Variants in PRMT7 observed in about 807,000 individuals in gnomAD.
The protein encoded by PRMT7 is protein arginine methyltransferase 7, also known as protein arginine N-methyltransferase 7.
Under a neutral mutation model 85.4 loss-of-function variants are expected in PRMT7, and 75 were observed. The ratio of observed to expected loss-of-function variants is 0.88; its 90% CI spans 0.73 to 1.06. The LOEUF is 1.06. Among genes scored for constraint, PRMT7 ranks in the 50% least tolerant of loss-of-function variants. PRMT7 has a pLI of 0.00. For missense variants in PRMT7, 868 were observed against 915.2 expected (o/e 0.95, Z 0.67); for synonymous variants, 397 against 359.5 (o/e 1.10, Z -1.18).
At chr16:68,352,160 T>C in intron 14 of PRMT7, 88 bp from the exon 15 acceptor site, 1 of 1,395,500 alleles carries the variant, frequency 7.2e-7, no homozygotes, top group South Asian at 1.3e-5. Flanking sequence ...CTTGAGTGAC[T>C]GAGTGGCCTG....
Position 68,312,230 on chromosome 16 carries a change from T to TATATA in PRMT7, c.-84+54_-84+55insATATA, listed in dbSNP as rs1555537325. The stretch of plus-strand genomic sequence containing the variant: ...TTATATATATATATATATATATATA[T>TATATA]TTTTTTTTTTAAGACAGGGTCTCAC... On this transcript the variant is annotated intron_variant, in intron 2 of 18. Coordinates refer to ENST00000441236, the MANE Select transcript of PRMT7 (RefSeq NM_019023.5). 122 of 65,528 alleles carry TATATA rather than the reference T, an allele frequency of 1.9e-3. 1 individual carries two copies. Among genetic ancestry groups the TATATA allele is most frequent in the East Asian group, 3.4e-3 (5 of 1,462 alleles). The allele number at this position is 65,528 out of a possible 1,614,324, so 4.1% of individuals were successfully genotyped here.
At position 68,312,805 on chromosome 16, in the gene PRMT7, T is replaced by G. The variant is rs2044100894; in HGVS notation, c.-84+629T>G. Among the ~76,000 whole-genome samples the G allele has an allele frequency of 2.0e-5, 3 of 152,176 alleles. No homozygotes were observed. In the South Asian group the frequency reaches 6.2e-4, roughly 32 times the overall value. On this transcript the variant is annotated intron_variant, in intron 2 of 18. Transcript: ENST00000441236. ...AGAGGTTCATGCCTTCATAAAATTGTTAACACAAGACATAGTTCCAGGTTT... is the reference window on the plus strand; with the variant it reads ...AGAGGTTCATGCCTTCATAAAATTGGTAACACAAGACATAGTTCCAGGTTT...
At position 68,346,020 on chromosome 16, in the gene PRMT7, A is replaced by G; in HGVS notation, c.1056-125A>G. Reference sequence around the variant, plus strand: ...TCTGTTTAGAGCAGATGCGTAGGAAAAGTCTGGAATTAGCGGGTGCTCTAA... The same window carrying G: ...TCTGTTTAGAGCAGATGCGTAGGAAGAGTCTGGAATTAGCGGGTGCTCTAA... On this transcript the variant is annotated intron_variant, in intron 10 of 18. Coordinates refer to ENST00000441236, the MANE Select transcript of PRMT7 (RefSeq NM_019023.5). The G allele has an allele frequency of 2.1e-6, 3 of 1,454,692 alleles. No individual in the cohort carries two copies. In the East Asian group the frequency reaches 7.0e-5, roughly 34 times the overall value. 90.1% of individuals were successfully genotyped at this position (1,454,692 alleles called of 1,614,324 possible). A position where few individuals can be genotyped will look rare whatever the true frequency, so the allele number is the denominator to read the frequency against.
intron 10 of PRMT7, 100 bp downstream of exon 10, chr16:68,345,902 T>C: frequency 1.3e-6 from 2 of 1,527,240 alleles, no homozygotes; most frequent in Non-Finnish European, 1.8e-6. Flanking sequence ...TTGATTTGTG[T>C]CTGGACAGAA....
At chr16:68,340,485 G>T (rs2085341439) in intron 9 of PRMT7, among the ~76,000 whole-genome samples, 1 of 152,134 alleles carries the variant, frequency 6.6e-6, no homozygotes, top group Admixed American at 6.5e-5. Flanking sequence ...GGAGACTGAG[G>T]CAGGAGGGTT....
chr16:68,355,406 G>A (rs2151933704), intron 16 of PRMT7: 1 of 238,758 alleles, frequency 4.2e-6, no homozygotes, highest in East Asian at 8.3e-5. Flanking sequence ...CACAGCTGTG[G>A]TGGTCACCAA....
chr16:68,346,145 C>A lies in PRMT7; in HGVS notation c.1056C>A (p.Ser352Arg). ...YCVWYSLQRT[S>R]PEKNERVRQM... ...TCTGTTTGTTCATCTCCTGGCCTAG[C>A]CCTGAAAAGAATGAGAGAGTCCGCC... Residue 352 changes from serine (S) to arginine (R), a missense_variant and splice_region_variant, in exon 11 of 19, where the codon AGC (serine) becomes AGA (arginine). Coordinates refer to ENST00000441236, the MANE Select transcript of PRMT7 (RefSeq NM_019023.5). 6.2e-7 allele frequency: 1 copy of A among 1,613,548 alleles called. No homozygotes were observed. The highest frequency in any genetic ancestry group is 8.5e-7 in the Non-Finnish European group (1 of 1,180,024).
chr16:68,339,868 A>C lies in PRMT7; in HGVS notation c.827A>C (p.Gln276Pro). 2.5e-6 allele frequency: 4 copies of C among 1,614,184 alleles called. No homozygotes were observed. The highest frequency in any genetic ancestry group is 3.4e-6 in the Non-Finnish European group (4 of 1,180,006). ...GAACCTCTGACATCTGGCCGAGCTC[A>C]GGTGGTTCTCTCGTGGTGGGACATT... is the stretch of plus-strand genomic sequence containing the variant. ...RFEPLTSGRAQVVLSWWDIEM... is the reference protein window; with the variant it reads ...RFEPLTSGRAPVVLSWWDIEM... Residue 276 changes from glutamine to proline, a missense_variant, in exon 9 of 19, where the codon CAG (glutamine) becomes CCG (proline). Coordinates refer to ENST00000441236, the MANE Select transcript of PRMT7 (RefSeq NM_019023.5).
intron 2 of PRMT7, among the ~76,000 whole-genome samples, chr16:68,312,493 C>T (rs887179871): frequency 6.6e-6 from 1 of 152,140 alleles, no homozygotes; most frequent in Non-Finnish European, 1.5e-5. Context: ...GTCTCGGCCC[C>T]TCACAGTGCT....
In PRMT7 at chr16:68,339,415, C is replaced by A. The variant is rs201972168; in HGVS notation, c.598C>A (p.His200Asn). The stretch of plus-strand genomic sequence containing the variant: ...GTCGTGGAACAAGCTATTTCCCATC[C>A]ACGTGCAGACCAGCCTCGGAGAGCA... ...MWSWNKLFPI[H>N]VQTSLGEQVI... The change falls in exon 8 of 19, where the codon CAC becomes AAC. Residue 200 changes from histidine to asparagine, a missense_variant. His to Asn is a moderately conservative substitution (Grantham distance 68). Coordinates refer to ENST00000441236, the MANE Select transcript of PRMT7 (RefSeq NM_019023.5). 3 of 1,614,184 alleles carry A rather than the reference C, an allele frequency of 1.9e-6. No homozygotes were observed. In the East Asian group the frequency reaches 6.7e-5, roughly 36 times the overall value.
chr16:68,322,893 T>G (rs1469804305), intron 4 of PRMT7, among the ~76,000 whole-genome samples: 1 of 151,642 alleles, frequency 6.6e-6, no homozygotes, highest in Non-Finnish European at 1.5e-5. Flanking sequence ...AAGCCGAGCG[T>G]GGTGGCGGGC....
intron 6 of PRMT7, among the ~76,000 whole-genome samples, chr16:68,332,338 TA>T (rs1458910254): frequency 2.0e-5 from 3 of 152,210 alleles, no homozygotes; most frequent in Non-Finnish European, 2.9e-5. Context: ...TCTTGCCAAC[TA>T]AAAATGTCTC....
rs531483697 is a variant in PRMT7, at chr16:68,311,097, C to A, written c.-221C>A. On this transcript the variant is annotated splice_region_variant and 5_prime_UTR_variant, in exon 1 of 19. Transcript: ENST00000441236. ...GAGGCGAGCGGAGGGTTTCCCGCGG[C>A]GGGTGAGGCGCTGGGTATGCTGGGA... The A allele has an allele frequency of 3.1e-5, 22 of 713,836 alleles. No homozygotes were observed. The highest frequency in any genetic ancestry group is 5.3e-5 in the Non-Finnish European group (21 of 399,774). The allele number at this position is 713,836 out of a possible 1,614,324, so 44.2% of individuals were successfully genotyped here.
chr16:68,321,618 C>G, intron 4 of PRMT7, 156 bp downstream of exon 4: 1 of 626,832 alleles, frequency 1.6e-6, no homozygotes. Context: ...GGTCCTACTT[C>G]TGGCTCTATT....
chr16:68,348,776 C>T (rs976616078), intron 14 of PRMT7, among the ~76,000 whole-genome samples: 3 of 151,678 alleles, frequency 2.0e-5, no homozygotes, highest in African/African-American at 4.8e-5. Flanking sequence ...GTAGCTGGGA[C>T]TGTAGGCATG....
intron 5 of PRMT7, 82 bp from the exon 6 acceptor site, chr16:68,328,984 G>A: frequency 2.2e-6 from 2 of 921,442 alleles, no homozygotes; most frequent in Non-Finnish European, 3.5e-6. Flanking sequence ...CCAGAATCAA[G>A]GAATAGCTTG....
intron 9 of PRMT7, among the ~76,000 whole-genome samples, chr16:68,341,471 G>A (rs1450367096): frequency 1.3e-5 from 2 of 152,136 alleles, no homozygotes; most frequent in African/African-American, 4.8e-5. Context: ...GTGCAATGGC[G>A]CGATCTCAGC....
chr16:68,326,309 G>C (rs530807767), intron 5 of PRMT7, among the ~76,000 whole-genome samples: 3 of 152,250 alleles, frequency 2.0e-5, no homozygotes, highest in African/African-American at 7.2e-5. Flanking sequence ...TTCGTGGCGT[G>C]ATCTCTATTC....
intron 9 of PRMT7, among the ~76,000 whole-genome samples, chr16:68,342,055 A>G (rs953669565): frequency 6.6e-6 from 1 of 152,134 alleles, no homozygotes; most frequent in Admixed American, 6.5e-5. Context: ...AGGTGGGTGG[A>G]TCATTTGAGG....
Sources: gnomAD v4.1 joint callset for allele counts (sites outside exome capture counted in the v4.1 genomes callset) on GRCh38, gnomAD v4.1.1 for gene constraint, MANE v1.5 for transcripts, NCBI Gene and HGNC (gene_info 2026-07-23, HGNC 2026-07-21) for gene names.